Variants in MFHAS1 observed in about 807,000 individuals in gnomAD.
MFHAS1 encodes multifunctional ROCO family signaling regulator 1.
Under a neutral mutation model 70.4 loss-of-function variants are expected in MFHAS1, and 50 were observed. The ratio of observed to expected loss-of-function variants is 0.71; its 90% CI spans 0.57 to 0.90. The LOEUF (loss-of-function observed/expected upper bound fraction) is 0.90, where lower values mean the gene tolerates loss of function less well. Ranked by LOEUF, MFHAS1 falls within the 40% of genes least tolerant of loss-of-function variation. MFHAS1 has a pLI of 0.00. For missense variants in MFHAS1, 1,795 were observed against 1,347.6 expected (o/e 1.33, Z -5.20); for synonymous variants, 952 against 620.0 (o/e 1.54, Z -7.96).
At position 8,891,972 on chromosome 8, in the gene MFHAS1, G is replaced by A; in HGVS notation, c.1087C>T (p.Gln363Ter). The change falls in exon 1 of 3, where the codon CAG (glutamine) becomes TAG (stop). Residue 363 changes from glutamine (Q) to a stop codon, truncating the protein, a stop_gained. Transcript: ENST00000276282. LOFTEE classifies it high-confidence loss of function. The surrounding 1 kb of genome is among the most constrained non-coding windows in gnomAD (Gnocchi z 5.4). ...TTCCACAAACCCACCCGGGAGAGCT[G>A]GCCAAAGTGGTCGGGCAGCACCGCG... ...QIAVLPDHFG[Q>*]LSRVGLWKIK... The A allele has an allele frequency of 6.2e-7, 1 of 1,612,984 alleles. No individual in the cohort carries two copies. The highest frequency in any genetic ancestry group is 8.5e-7 in the Non-Finnish European group (1 of 1,179,572).
intron 1 of MFHAS1, among the ~76,000 whole-genome samples, chr8:8,869,556 A>G (rs1167185444): frequency 6.6e-6 from 1 of 152,132 alleles, no homozygotes; most frequent in Admixed American, 6.5e-5. Flanking sequence ...CAAACCTAAG[A>G]CTATATATCT....
intron 1 of MFHAS1, among the ~76,000 whole-genome samples, chr8:8,882,915 G>A (rs1277674064): frequency 1.3e-5 from 2 of 151,972 alleles, no homozygotes; most frequent in Non-Finnish European, 2.9e-5. Context: ...CACTTTGGGA[G>A]GCCGAGGAGG....
intron 1 of MFHAS1, among the ~76,000 whole-genome samples, chr8:8,815,275 A>AAT (rs1806699064): frequency 6.6e-6 from 1 of 152,118 alleles, no homozygotes; most frequent in Non-Finnish European, 1.5e-5. Flanking sequence ...ATTGATGGGC[A>AAT]TTTGGGTTGA....
At chr8:8,868,078 G>A (rs1463095344) in intron 1 of MFHAS1, among the ~76,000 whole-genome samples, 1 of 151,962 alleles carries the variant, frequency 6.6e-6, no homozygotes, top group African/African-American at 2.4e-5. Context: ...TATAATAAGT[G>A]GTATAGCGCA....
At chr8:8,794,003 C>A (rs112309710) in intron 2 of MFHAS1, among the ~76,000 whole-genome samples, 30,800 of 151,906 alleles carry the variant, frequency 0.2, 3,411 homozygotes, top group African/African-American at 0.27. Context: ...GCCCAGCCAA[C>A]ATGATGAAAC....
intron 1 of MFHAS1, among the ~76,000 whole-genome samples, chr8:8,888,023 C>T (rs1178095603): frequency 6.6e-6 from 1 of 152,126 alleles, no homozygotes; most frequent in Non-Finnish European, 1.5e-5. Context: ...CAGTAAACTA[C>T]CCTGTAAATG....
Position 8,836,206 on chromosome 8 carries a change from C to A in MFHAS1, c.2999-38715G>T, listed in dbSNP as rs114259566. On this transcript the variant is annotated intron_variant, in intron 1 of 2. Transcript: ENST00000276282. ...AAAGGCTGTGTATGTGAGAAAAGCA[C>A]ACTGTTTCAATTGCAAATTTCAGGC... Among the ~76,000 whole-genome samples the A allele has an allele frequency of 1.7e-3, 258 of 152,280 alleles. 1 individual carries two copies. Among genetic ancestry groups the A allele is most frequent in the African/African-American group, 5.9e-3 (244 of 41,566 alleles).
At chr8:8,786,839 G>C (rs1371686635) in intron 2 of MFHAS1, among the ~76,000 whole-genome samples, 3 of 151,736 alleles carry the variant, frequency 2.0e-5, no homozygotes, top group Admixed American at 6.6e-5. Context: ...TGATAATTCA[G>C]CATCTGCCTA....
intron 1 of MFHAS1, among the ~76,000 whole-genome samples, chr8:8,881,727 G>C (rs760781011): frequency 2.0e-5 from 3 of 151,288 alleles, no homozygotes; most frequent in African/African-American, 4.9e-5. Context: ...CCAGCTACTC[G>C]AGAGGCTGAG....
Position 8,796,594 on chromosome 8 carries a change from G to T in MFHAS1, c.3125+771C>A, listed in dbSNP as rs7841501. Among the ~76,000 whole-genome samples the T allele has an allele frequency of 6.1e-5, 9 of 147,118 alleles. 1 individual carries two copies. The highest frequency in any genetic ancestry group is 2.3e-4 in the African/African-American group (9 of 39,738). Reference sequence around the variant, plus strand: ...AGCTACTCGGGAGGCTGAGGCAGGAGAATGGCCCGAACCCGGAAGGCGGAG... The same window carrying T: ...AGCTACTCGGGAGGCTGAGGCAGGATAATGGCCCGAACCCGGAAGGCGGAG... On this transcript the variant is annotated intron_variant, in intron 2 of 2. Transcript: ENST00000276282.
chr8:8,823,218 G>A (rs147590397), intron 1 of MFHAS1, among the ~76,000 whole-genome samples: 1 of 152,292 alleles, frequency 6.6e-6, no homozygotes, highest in Non-Finnish European at 1.5e-5. Flanking sequence ...CTCATTAACT[G>A]TAAATGTTTA....
At chr8:8,878,697 A>C (rs1419963696) in intron 1 of MFHAS1, among the ~76,000 whole-genome samples, 1 of 151,800 alleles carries the variant, frequency 6.6e-6, no homozygotes, top group African/African-American at 2.4e-5. Flanking sequence ...AAAAGGAGGG[A>C]AGGACAGAAA....
intron 1 of MFHAS1, among the ~76,000 whole-genome samples, chr8:8,843,225 C>A (rs1178015646): frequency 6.8e-6 from 1 of 147,798 alleles, no homozygotes; most frequent in Non-Finnish European, 1.5e-5. Flanking sequence ...GCCGAGATTG[C>A]GCCACTGCAG....
At chr8:8,788,534 C>T (rs1805625707) in intron 2 of MFHAS1, among the ~76,000 whole-genome samples, 2 of 152,144 alleles carry the variant, frequency 1.3e-5, no homozygotes, top group African/African-American at 4.8e-5. Flanking sequence ...CAAAAATTAG[C>T]CAGGCGTGGT....
chr8:8,844,153 C>T (rs912914047), intron 1 of MFHAS1, among the ~76,000 whole-genome samples: 1 of 152,200 alleles, frequency 6.6e-6, no homozygotes, highest in Non-Finnish European at 1.5e-5. Flanking sequence ...AGCAAGAGAA[C>T]TGTGGGCAGT....
At chr8:8,791,041 C>T (rs906744168) in intron 2 of MFHAS1, among the ~76,000 whole-genome samples, 1 of 151,876 alleles carries the variant, frequency 6.6e-6, no homozygotes, top group Non-Finnish European at 1.5e-5. Context: ...AATGCAATAA[C>T]TCAGCCTTCC....
intron 1 of MFHAS1, among the ~76,000 whole-genome samples, chr8:8,856,996 AAAAAAAAAAAAAG>A (rs1369646054): frequency 6.6e-6 from 1 of 150,596 alleles, no homozygotes; most frequent in African/African-American, 2.4e-5. Flanking sequence ...AAAAAAAAAA[AAAAAAAAAAAAAG>A]AGGAGAGATA....
At chr8:8,826,792 A>G (rs1444522840) in intron 1 of MFHAS1, among the ~76,000 whole-genome samples, 1 of 152,140 alleles carries the variant, frequency 6.6e-6, no homozygotes, top group Non-Finnish European at 1.5e-5. Flanking sequence ...CCAACTTCTT[A>G]CCTTCCTCCT....
At position 8,797,481 on chromosome 8, in the gene MFHAS1, C is replaced by T. The variant is rs1455141451; in HGVS notation, c.3009G>A (p.Leu1003=). ...PNPHAFPGEL[L]SQPRPEGVAE... ...CCACTCCTTCCGGTCTGGGCTGACT[C>T]AGCAACTCCCCTGTAGGAGGAGAGA... The change falls in exon 2 of 3, where the codon CTG becomes CTA. Residue 1003 remains leucine (L), a synonymous_variant. Coordinates refer to ENST00000276282, the MANE Select transcript of MFHAS1 (RefSeq NM_004225.3). The T allele has an allele frequency of 6.2e-7, 1 of 1,613,640 alleles. No homozygotes were observed. The highest frequency in any genetic ancestry group is 8.5e-7 in the Non-Finnish European group (1 of 1,179,802).
Sources: gnomAD v4.1 joint callset for allele counts (sites outside exome capture counted in the v4.1 genomes callset) on GRCh38, gnomAD v4.1.1 for gene constraint, Gnocchi (gnomAD v3.1) non-coding constraint, MANE v1.5 for transcripts, NCBI Gene and HGNC (gene_info 2026-07-23, HGNC 2026-07-21) for gene names.